The following CDH10 variants were observed in gnomAD, a reference collection of about 807,000 sequenced individuals.
CDH10 encodes cadherin-10.
A neutral mutation model predicts 73.1 loss-of-function variants in CDH10; 30 were observed. The observed-to-expected ratio is 0.41, with a 90% CI of 0.31 to 0.56. The LOEUF is 0.56. Ranked by LOEUF, CDH10 falls within the 20% of genes least tolerant of loss-of-function variation. The probability of loss-of-function intolerance (pLI) is 0.27; values close to 1 mark genes in which losing one functional copy is unlikely to be tolerated. For synonymous variants in CDH10, 345 were observed against 348.2 expected (o/e 0.99, Z 0.10); for missense variants, 815 against 973.7 (o/e 0.84, Z 2.17).
chr5:24,571,679 A>G (rs1745385677), intron 2 of CDH10, among the ~76,000 whole-genome samples: 1 of 150,996 alleles, frequency 6.6e-6, no homozygotes, highest in South Asian at 2.1e-4. Flanking sequence ...ACATTATTAC[A>G]TTCAATTCTA....
chr5:24,642,564 T>C (rs964696129), intron 1 of CDH10, among the ~76,000 whole-genome samples: 2 of 152,134 alleles, frequency 1.3e-5, no homozygotes, highest in Non-Finnish European at 2.9e-5. Flanking sequence ...TCCTCTCTTT[T>C]TCTTTTTTAA....
At chr5:24,522,709 G>A (rs1743380899) in intron 5 of CDH10, among the ~76,000 whole-genome samples, 1 of 151,946 alleles carries the variant, frequency 6.6e-6, no homozygotes, top group South Asian at 2.1e-4. Flanking sequence ...GTAATATCTT[G>A]GAAAACATAA....
chr5:24,632,394 C>A lies in CDH10; in HGVS notation c.-124+12200G>T, dbSNP rs969389755. The stretch of plus-strand genomic sequence containing the variant: ...AGTTGAAATAAATGCTTTATATATT[C>A]ATTTGAAATAATACCTAGTGTGCAG... On this transcript the variant is annotated intron_variant, in intron 1 of 11. Coordinates refer to ENST00000264463, the MANE Select transcript of CDH10 (RefSeq NM_006727.5). 5.3e-5 allele frequency among the ~76,000 whole-genome samples: 8 copies of A among 152,064 alleles called. No individual in the cohort carries two copies. The East Asian group carries it at 1.5e-3, about 29-fold the overall frequency.
intron 2 of CDH10, among the ~76,000 whole-genome samples, chr5:24,579,972 T>A (rs78053403): frequency 6.6e-6 from 1 of 152,090 alleles, no homozygotes; most frequent in African/African-American, 2.4e-5. Context: ...TGTTTTTTTC[T>A]CCCTAATGCT....
intron 2 of CDH10, among the ~76,000 whole-genome samples, chr5:24,554,473 C>CATGT (rs1464310019): frequency 6.7e-6 from 1 of 149,326 alleles, no homozygotes; most frequent in African/African-American, 2.5e-5. Context: ...TCTCCCTATT[C>CATGT]GTGTGTGTGT....
intron 11 of CDH10, among the ~76,000 whole-genome samples, chr5:24,490,287 A>G (rs1269685899): frequency 1.3e-5 from 2 of 152,056 alleles, no homozygotes; most frequent in African/African-American, 2.4e-5. Flanking sequence ...CTTTTCCTCA[A>G]TGTTTGTTGT....
chr5:24,642,088 G>A (rs892788204), intron 1 of CDH10, among the ~76,000 whole-genome samples: 4 of 152,050 alleles, frequency 2.6e-5, no homozygotes, highest in African/African-American at 9.7e-5. Flanking sequence ...AGATAGTTGG[G>A]TTTGCATCAC....
chr5:24,631,018 T>C (rs1474597843), intron 1 of CDH10, among the ~76,000 whole-genome samples: 4 of 152,114 alleles, frequency 2.6e-5, no homozygotes, highest in Admixed American at 2.6e-4. Context: ...TTCAAACTCC[T>C]TCCTTGGTGG....
intron 2 of CDH10, among the ~76,000 whole-genome samples, chr5:24,553,702 A>G (rs984300731): frequency 6.6e-6 from 1 of 152,084 alleles, no homozygotes; most frequent in Admixed American, 6.6e-5. Context: ...TCTTTCAGTA[A>G]CTTGCCATTC....
chr5:24,529,167 A>G, intron 5 of CDH10, among the ~76,000 whole-genome samples: 1 of 151,936 alleles, frequency 6.6e-6, no homozygotes, highest in East Asian at 1.9e-4. Flanking sequence ...AAACCAGATA[A>G]TCCTTTTTTA....
At chr5:24,545,374 G>A (rs1040512346) in intron 2 of CDH10, among the ~76,000 whole-genome samples, 1 of 152,286 alleles carries the variant, frequency 6.6e-6, no homozygotes, top group Middle Eastern at 3.4e-3. Context: ...TTTAAAAGAA[G>A]ATCACAGAAA....
intron 2 of CDH10, among the ~76,000 whole-genome samples, chr5:24,547,491 GA>G (rs199643501): frequency 1.3e-5 from 2 of 150,428 alleles, no homozygotes; most frequent in African/African-American, 2.4e-5. Flanking sequence ...ACTTCTAGGA[GA>G]AAAAAAAATA....
At chr5:24,520,541 G>A (rs1049998786) in intron 5 of CDH10, among the ~76,000 whole-genome samples, 5 of 152,106 alleles carry the variant, frequency 3.3e-5, no homozygotes, top group African/African-American at 1.2e-4. Flanking sequence ...TCAATGATCA[G>A]ATACTATCAC....
At chr5:24,537,133 G>T (rs1379834908) in intron 3 of CDH10, among the ~76,000 whole-genome samples, 2 of 151,776 alleles carry the variant, frequency 1.3e-5, no homozygotes. Flanking sequence ...GAAGTTCAAT[G>T]ATATTTTCTT....
intron 2 of CDH10, among the ~76,000 whole-genome samples, chr5:24,562,167 T>C (rs948097179): frequency 1.3e-5 from 2 of 152,030 alleles, no homozygotes; most frequent in Non-Finnish European, 2.9e-5. Context: ...ACAATGAAAC[T>C]ACATTCATGT....
chr5:24,587,906 T>C (rs1161122226), intron 2 of CDH10, among the ~76,000 whole-genome samples: 1 of 152,204 alleles, frequency 6.6e-6, no homozygotes, highest in African/African-American at 2.4e-5. Context: ...TAAAATATTA[T>C]TGTATTGAGA....
chr5:24,530,184 A>C (rs921942062), intron 5 of CDH10, among the ~76,000 whole-genome samples: 2 of 151,616 alleles, frequency 1.3e-5, no homozygotes, highest in African/African-American at 4.8e-5. Flanking sequence ...AGTCTTTTCA[A>C]ATAGACATTC....
At chr5:24,530,413 T>C (rs1214698209) in intron 5 of CDH10, among the ~76,000 whole-genome samples, 2 of 152,036 alleles carry the variant, frequency 1.3e-5, no homozygotes, top group Non-Finnish European at 2.9e-5. Context: ...ACCTTTCCAA[T>C]GATCAGTTTT....
intron 1 of CDH10, among the ~76,000 whole-genome samples, chr5:24,638,464 G>C (rs937491926): frequency 6.6e-6 from 1 of 151,710 alleles, no homozygotes; most frequent in African/African-American, 2.4e-5. Context: ...GAGACAAAGT[G>C]ACAGTGCCTC....
Sources: gnomAD v4.1 joint callset for allele counts (sites outside exome capture counted in the v4.1 genomes callset) on GRCh38, gnomAD v4.1.1 for gene constraint, MANE v1.5 for transcripts, NCBI Gene and HGNC (gene_info 2026-07-23, HGNC 2026-07-21) for gene names.